PARN: variants seen among roughly 807,000 people sequenced by gnomAD.
The protein encoded by PARN is poly(A)-specific ribonuclease.
In PARN, 71 loss-of-function variants were observed where a neutral mutation model predicts 102.8. That is an observed-to-expected ratio of 0.69 (90% CI 0.57 to 0.84). The LOEUF (loss-of-function observed/expected upper bound fraction) is 0.84. Ranked by LOEUF, PARN falls within the 40% of genes least tolerant of loss-of-function variation. PARN has a pLI of 0.00. For missense variants in PARN, 782 were observed against 760.9 expected (o/e 1.03, Z -0.33); for synonymous variants, 261 against 252.9 (o/e 1.03, Z -0.30).
intron 21 of PARN, among the ~76,000 whole-genome samples, chr16:14,520,312 G>T (rs1965671220): frequency 6.6e-6 from 1 of 152,108 alleles, no homozygotes; most frequent in South Asian, 2.1e-4. Context: ...AGTGGAAAAA[G>T]ATAAACTCAT....
At chr16:14,493,671 G>T (rs1383971045) in intron 21 of PARN, among the ~76,000 whole-genome samples, 1 of 152,208 alleles carries the variant, frequency 6.6e-6, no homozygotes, top group Non-Finnish European at 1.5e-5. Context: ...GGTGGGAAAT[G>T]ATAATCTCAA....
In PARN at chr16:14,584,397, G is replaced by A. The variant is rs374213957; in HGVS notation, c.1031C>T (p.Ala344Val). The A allele has an allele frequency of 2.9e-5, 47 of 1,612,834 alleles. No homozygotes were observed. The highest frequency in any genetic ancestry group is 3.8e-5 in the Non-Finnish European group (45 of 1,179,242). Reference protein sequence around the residue: ...FKDIINNTSLAELEKRLKETP... With the variant: ...FKDIINNTSLVELEKRLKETP... ...CTCTTTTAACCGCTTTTCCAATTCC[G>A]CAAGGGATGTGTTGTTAATGATATC... The change falls in exon 16 of 24, where the codon GCG becomes GTG. Residue 344 changes from alanine (A) to valine (V), a missense_variant. Transcript: ENST00000437198.
At chr16:14,586,928 C>T (rs918523119) in intron 13 of PARN, among the ~76,000 whole-genome samples, 1 of 152,180 alleles carries the variant, frequency 6.6e-6, no homozygotes, top group African/African-American at 2.4e-5. Flanking sequence ...TCAAGTGGCA[C>T]TAATAGCAAG....
At chr16:14,575,252 C>G (rs367614658) in intron 18 of PARN, among the ~76,000 whole-genome samples, 28 of 152,292 alleles carry the variant, frequency 1.8e-4, no homozygotes, top group African/African-American at 6.0e-4. Flanking sequence ...GTCCTTCAGA[C>G]AGCAGAATGG....
At chr16:14,550,611 T>C (rs1358594231) in intron 21 of PARN, among the ~76,000 whole-genome samples, 1 of 152,212 alleles carries the variant, frequency 6.6e-6, no homozygotes, top group Non-Finnish European at 1.5e-5. Context: ...AACAGTCAGA[T>C]AATGAAAGAA....
Position 14,627,336 on chromosome 16 carries a change from G to T in PARN, c.178C>A (p.His60Asn). 1 of 1,580,632 alleles carries T rather than the reference G, an allele frequency of 6.3e-7. No homozygotes were observed. Among genetic ancestry groups the T allele is most frequent in the Middle Eastern group, 1.7e-4 (1 of 6,026 alleles). ...TGAAATAGCAAAAAGTCCATGGAAT[G>T]CTGGAAAAGGGAAATAAAACATCTG... ...PEERYQKLKK[H>N]SMDFLLFQFG... The change falls in exon 4 of 24, where the codon CAT becomes AAT. Residue 60 changes from histidine to asparagine, a missense_variant and splice_region_variant. By Grantham distance (68) the His-to-Asn change is moderately conservative (BLOSUM62 1). Coordinates refer to ENST00000437198, the MANE Select transcript of PARN (RefSeq NM_002582.4).
intron 10 of PARN, 119 bp downstream of exon 10, chr16:14,606,365 C>G (rs564196119): frequency 1.5e-5 from 8 of 519,258 alleles, no homozygotes; most frequent in African/African-American, 1.2e-4. Flanking sequence ...CCACTGCACT[C>G]CAGCCTGGGT....
intron 17 of PARN, among the ~76,000 whole-genome samples, chr16:14,581,193 C>G (rs145303336): frequency 1.1e-3 from 168 of 152,254 alleles, no homozygotes; most frequent in African/African-American, 3.9e-3. Flanking sequence ...CCAGGGATTA[C>G]AGACATGTGC....
chr16:14,436,896 A>G, intron 23 of PARN, 124 bp from the exon 24 acceptor site: 2 of 705,346 alleles, frequency 2.8e-6, no homozygotes, highest in Non-Finnish European at 5.0e-6. Context: ...GCGTCTGGCT[A>G]AACAGCTGCG....
At chr16:14,612,952 C>G (rs143484123) in intron 6 of PARN, among the ~76,000 whole-genome samples, 310 of 151,442 alleles carry the variant, frequency 2.0e-3, no homozygotes, top group African/African-American at 7.2e-3. Flanking sequence ...CAGTTACAAG[C>G]CTATAGCTCA....
chr16:14,624,136 T>C (rs950564659), intron 5 of PARN, among the ~76,000 whole-genome samples: 2 of 152,182 alleles, frequency 1.3e-5, no homozygotes, highest in Non-Finnish European at 2.9e-5. Context: ...CAGGGTCTTA[T>C]TTTTTAAAGA....
intron 21 of PARN, among the ~76,000 whole-genome samples, chr16:14,487,440 G>A (rs1402693796): frequency 6.6e-6 from 1 of 152,188 alleles, no homozygotes; most frequent in Non-Finnish European, 1.5e-5. Flanking sequence ...TTCCACTACT[G>A]TCAAGCAAAG....
At chr16:14,594,325 T>C (rs1216133641) in intron 12 of PARN, among the ~76,000 whole-genome samples, 1 of 152,194 alleles carries the variant, frequency 6.6e-6, no homozygotes, top group Non-Finnish European at 1.5e-5. Context: ...TCTCACACTA[T>C]ATGTGCAACA....
At chr16:14,579,214 C>T (rs1009646360) in intron 18 of PARN, among the ~76,000 whole-genome samples, 1 of 152,166 alleles carries the variant, frequency 6.6e-6, no homozygotes, top group Non-Finnish European at 1.5e-5. Flanking sequence ...GTGATCTGCC[C>T]GCCTTGTTCT....
intron 21 of PARN, among the ~76,000 whole-genome samples, chr16:14,546,685 G>GA (rs1413278901): frequency 1.3e-5 from 2 of 152,204 alleles, no homozygotes; most frequent in Non-Finnish European, 2.9e-5. Flanking sequence ...TCTAAATATT[G>GA]AGAGTATGGC....
rs374926154 is a variant in PARN at position 14,481,321 on chromosome 16, T to C, written c.1670+1317A>G. Among the ~76,000 whole-genome samples the C allele has an allele frequency of 3.0e-4, 46 of 152,332 alleles. 2 individuals are homozygous for C. In the South Asian group the frequency reaches 8.1e-3, roughly 27 times the overall value. On this transcript the variant is annotated intron_variant, in intron 22 of 23. Transcript: ENST00000437198. ...CGATTAAAAAACTGCTGAGATGCAA[T>C]AGCAAGGATGAATTTTAAAAATATA...
intron 18 of PARN, among the ~76,000 whole-genome samples, chr16:14,578,932 C>T (rs1212466826): frequency 6.6e-6 from 1 of 152,000 alleles, no homozygotes; most frequent in Non-Finnish European, 1.5e-5. Context: ...AATAGTCCTG[C>T]ACAGTATTAG....
chr16:14,564,980 G>A (rs1053433336), intron 18 of PARN: 1 of 152,082 alleles, frequency 6.6e-6, no homozygotes, highest in Non-Finnish European at 1.5e-5. Context: ...CTCACCCCAA[G>A]TCCCAAGCCT....
At chr16:14,600,596 C>CA (rs1970811822) in intron 11 of PARN, among the ~76,000 whole-genome samples, 1 of 152,070 alleles carries the variant, frequency 6.6e-6, no homozygotes, top group South Asian at 2.1e-4. Context: ...TCCCAGCCCT[C>CA]TGGCTTCATG....
Sources: allele counts gnomAD v4.1 joint callset (sites outside exome capture counted in the v4.1 genomes callset), GRCh38; gene constraint gnomAD v4.1.1; transcripts MANE v1.5; gene names NCBI Gene and HGNC (gene_info 2026-07-23, HGNC 2026-07-21).